PTPRN2: variants seen among roughly 807,000 people sequenced by gnomAD.
The protein encoded by PTPRN2 is receptor-type tyrosine-protein phosphatase N2.
A neutral mutation model predicts 118.8 loss-of-function variants in PTPRN2; 74 were observed. That is an observed-to-expected ratio of 0.62 (90% CI 0.52 to 0.76). The LOEUF (loss-of-function observed/expected upper bound fraction) is 0.76. Ranked by LOEUF, PTPRN2 falls within the 30% of genes least tolerant of loss-of-function variation. PTPRN2 has a pLI of 0.00. For missense variants in PTPRN2, 1,481 were observed against 1,394.4 expected, an observed-to-expected ratio of 1.06 and a Z score of -0.99; for synonymous variants, 641 against 608.0, an observed-to-expected ratio of 1.05 and a Z score of -0.80.
At chr7:157,699,209 A>G (rs1200649728) in intron 12 of PTPRN2, among the ~76,000 whole-genome samples, 1 of 152,216 alleles carries the variant, frequency 6.6e-6, no homozygotes. Flanking sequence ...ATATTCTTTA[A>G]GAAAAGTGCC....
intron 11 of PTPRN2, among the ~76,000 whole-genome samples, chr7:158,071,003 GGTGGTGGAGGTGCTC>G (rs1347166967): frequency 1.2e-5 from 1 of 82,888 alleles, no homozygotes; most frequent in Non-Finnish European, 2.4e-5. Context: ...AGGTGCTCAT[GGTGGTGGAGGTGCTC>G]GTGGTGGAGG....
intron 3 of PTPRN2, among the ~76,000 whole-genome samples, chr7:158,232,832 G>C (rs1238588159): frequency 6.6e-6 from 1 of 152,066 alleles, no homozygotes; most frequent in Non-Finnish European, 1.5e-5. Flanking sequence ...AAAACTACAT[G>C]ATCATTTCAA....
chr7:158,249,185 G>A (rs910793904), intron 3 of PTPRN2, among the ~76,000 whole-genome samples: 111 of 151,614 alleles, frequency 7.3e-4, no homozygotes, highest in Admixed American at 1.8e-3. Flanking sequence ...GCACACACAC[G>A]AACACACATC....
chr7:158,147,493 C>A (rs1173392696), intron 6 of PTPRN2, among the ~76,000 whole-genome samples: 4 of 103,018 alleles, frequency 3.9e-5, no homozygotes, highest in East Asian at 2.4e-4. Context: ...TCACTGACAC[C>A]CCATCTCACG....
chr7:158,396,187 G>C (rs118136924), intron 2 of PTPRN2, among the ~76,000 whole-genome samples: 1,727 of 152,326 alleles, frequency 0.011, 17 homozygotes, highest in Non-Finnish European at 0.02. Flanking sequence ...ACGGGAGACA[G>C]CGCCCAGCCA....
At chr7:157,599,937 A>C (rs1313141324) in intron 16 of PTPRN2, among the ~76,000 whole-genome samples, 3 of 63,564 alleles carry the variant, frequency 4.7e-5, no homozygotes, top group African/African-American at 1.3e-4. Flanking sequence ...CCACCTGCCC[A>C]CCTCTCCACC....
At chr7:158,556,632 T>C (rs1396797607) in intron 1 of PTPRN2, among the ~76,000 whole-genome samples, 9 of 151,318 alleles carry the variant, frequency 5.9e-5, no homozygotes, top group Non-Finnish European at 1.3e-4. Context: ...GATTCAAAGG[T>C]AGATAGGTAG....
rs1020975996 is a variant in PTPRN2 at position 157,598,505 on chromosome 7, C to T, written c.2419-3190G>A. Among the ~76,000 whole-genome samples, 6 of 147,316 alleles carry T rather than the reference C, an allele frequency of 4.1e-5. No homozygotes were observed. The highest frequency in any genetic ancestry group is 2.0e-4 in the East Asian group (1 of 5,084). On this transcript the variant is annotated intron_variant, in intron 16 of 22. Transcript: ENST00000389418. The surrounding 1 kb of genome is among the most constrained non-coding windows in gnomAD (Gnocchi z 5.2). The stretch of plus-strand genomic sequence containing the variant: ...TGAGGAGCTTGGACGTCGGCGTCTC[C>T]GGGCCTCAGTCTCCATATCTGTATG...
At chr7:158,399,923 G>C (rs1402442369) in intron 2 of PTPRN2, among the ~76,000 whole-genome samples, 1 of 152,166 alleles carries the variant, frequency 6.6e-6, no homozygotes, top group African/African-American at 2.4e-5. Context: ...CCAGGCACTT[G>C]CAGTCCCACA....
intron 3 of PTPRN2, among the ~76,000 whole-genome samples, chr7:158,249,731 T>G (rs1796540961): frequency 6.6e-6 from 1 of 152,246 alleles, no homozygotes; most frequent in Non-Finnish European, 1.5e-5. Context: ...CCCTGGGGAC[T>G]GCAGAGGGCT....
intron 10 of PTPRN2, among the ~76,000 whole-genome samples, chr7:158,108,464 C>T (rs1815876143): frequency 6.6e-6 from 1 of 152,204 alleles, no homozygotes; most frequent in African/African-American, 2.4e-5. Flanking sequence ...CCTACCTGGC[C>T]TGCCCACCGG....
chr7:158,153,180 T>C (rs10262458), intron 6 of PTPRN2, among the ~76,000 whole-genome samples: 95,457 of 151,982 alleles, frequency 0.63, 30,807 homozygotes, highest in East Asian at 0.79. Context: ...CCATCAAGCA[T>C]TCGGACTCCA....
At chr7:158,163,596 A>G (rs113246217) in intron 6 of PTPRN2, among the ~76,000 whole-genome samples, 189 of 141,364 alleles carry the variant, frequency 1.3e-3, no homozygotes, top group Middle Eastern at 4.3e-3. Context: ...TGTATATTTC[A>G]TAGGTGGCGC....
chr7:158,233,576 G>A (rs770652235), intron 3 of PTPRN2, among the ~76,000 whole-genome samples: 2 of 151,960 alleles, frequency 1.3e-5, no homozygotes, highest in African/African-American at 2.4e-5. Context: ...CATCAGTGTA[G>A]TCCCTATCAA....
rs1398236303 is a variant in PTPRN2 at position 157,540,669 on chromosome 7, A to ACCC, written c.*44_*45insGGG. 6.9e-7 allele frequency: 1 copy of ACCC among 1,440,566 alleles called. No homozygotes were observed. The highest frequency in any genetic ancestry group is 9.5e-7 in the Non-Finnish European group (1 of 1,049,900). The allele number at this position is 1,440,566 out of a possible 1,614,324, so 89.2% of individuals were successfully genotyped here. A position where few individuals can be genotyped will look rare whatever the true frequency, so the allele number is the denominator to read the frequency against. On this transcript the variant is annotated 3_prime_UTR_variant, in exon 23 of 23. Coordinates refer to ENST00000389418, the MANE Select transcript of PTPRN2 (RefSeq NM_002847.5). ...TAAAGTCAGATCATGATTCCTGACA[A>ACCC]CATCCGTGGGGTGGGGGCTCCCCTG...
chr7:158,263,414 ACAAACACATG>A (rs1237289638), intron 3 of PTPRN2, among the ~76,000 whole-genome samples: 45 of 139,866 alleles, frequency 3.2e-4, no homozygotes, highest in African/African-American at 1.1e-3. Flanking sequence ...TCCACAATGC[ACAAACACATG>A]CACACACACA....
chr7:157,776,163 C>T (rs1359990754), intron 12 of PTPRN2, among the ~76,000 whole-genome samples: 2 of 146,902 alleles, frequency 1.4e-5, no homozygotes, highest in East Asian at 4.2e-4. Context: ...TTTTCACCTC[C>T]TCCCTGTCCT....
chr7:158,535,385 T>C (rs866750438), intron 1 of PTPRN2, among the ~76,000 whole-genome samples: 2 of 152,170 alleles, frequency 1.3e-5, no homozygotes, highest in African/African-American at 2.4e-5. Flanking sequence ...TTTCTGTAAA[T>C]TGGGGATTTA....
At chr7:157,920,819 T>C (rs529424082) in intron 11 of PTPRN2, among the ~76,000 whole-genome samples, 3 of 152,108 alleles carry the variant, frequency 2.0e-5, no homozygotes, top group Non-Finnish European at 2.9e-5. Flanking sequence ...TTCTAGAAGA[T>C]ACAAAGAAAA....
Sources: gnomAD v4.1 joint callset for allele counts (sites outside exome capture counted in the v4.1 genomes callset) on GRCh38, gnomAD v4.1.1 for gene constraint, Gnocchi (gnomAD v3.1) non-coding constraint, MANE v1.5 for transcripts, NCBI Gene and HGNC (gene_info 2026-07-23, HGNC 2026-07-21) for gene names.